RBFOX1: variants seen among roughly 807,000 people sequenced by gnomAD.
The protein encoded by RBFOX1 is RNA binding fox-1 homolog 1.
A neutral mutation model predicts 57.7 loss-of-function variants in RBFOX1; 8 were observed. The ratio of observed to expected loss-of-function variants is 0.14; its 90% CI spans 0.08 to 0.25. RBFOX1 has a LOEUF of 0.25. Ranked by LOEUF, RBFOX1 falls within the 10% of genes least tolerant of loss-of-function variation. The probability of loss-of-function intolerance (pLI) is 1.00; values close to 1 mark genes in which losing one functional copy is unlikely to be tolerated. For missense variants in RBFOX1, 611 were observed against 548.5 expected (o/e 1.11, Z -1.14); for synonymous variants, 326 against 222.4 (o/e 1.47, Z -4.15).
intron 4 of RBFOX1, among the ~76,000 whole-genome samples, chr16:7,391,631 A>C (rs149548018): frequency 6.6e-6 from 1 of 152,194 alleles, no homozygotes; most frequent in Non-Finnish European, 1.5e-5. Flanking sequence ...TCATCATTTC[A>C]GTTTTACAAC....
At position 6,582,591 on chromosome 16, in the gene RBFOX1, T is replaced by G. The variant is rs80279770; in HGVS notation, c.-63-72012T>G. Among the ~76,000 whole-genome samples, 1,254 of 152,170 alleles carry G rather than the reference T, an allele frequency of 8.2e-3. 14 individuals carry two copies. Among genetic ancestry groups the G allele is most frequent in the African/African-American group, 0.029 (1,193 of 41,550 alleles). On this transcript the variant is annotated intron_variant, in intron 2 of 15. Transcript: ENST00000550418. ...TCCTCAATGAAAGGTTAAATTCATT[T>G]AAAATACTTAAATGATGACATCGTA...
At chr16:5,790,723 T>C (rs1446406605) in intron 3 of RBFOX1, among the ~76,000 whole-genome samples, 1 of 152,008 alleles carries the variant, frequency 6.6e-6, no homozygotes, top group Non-Finnish European at 1.5e-5. Flanking sequence ...TGAGAGTGAG[T>C]GTGGAATGCC....
At chr16:7,220,844 C>A (rs910319186) in intron 4 of RBFOX1, among the ~76,000 whole-genome samples, 3 of 152,030 alleles carry the variant, frequency 2.0e-5, no homozygotes, top group Non-Finnish European at 4.4e-5. Flanking sequence ...TCTCTATCCA[C>A]CCTTAACATC....
intron 2 of RBFOX1, among the ~76,000 whole-genome samples, chr16:6,382,542 G>T (rs1310781576): frequency 6.6e-6 from 1 of 152,190 alleles, no homozygotes; most frequent in Non-Finnish European, 1.5e-5. Context: ...ATGAGGAGAA[G>T]CCTAGCTTCA....
intron 14 of RBFOX1, among the ~76,000 whole-genome samples, chr16:7,698,488 G>C (rs890509712): frequency 2.0e-5 from 3 of 152,060 alleles, no homozygotes; most frequent in African/African-American, 7.2e-5. Flanking sequence ...GGTACAAGGA[G>C]GTGTCACCAG....
intron 1 of RBFOX1, among the ~76,000 whole-genome samples, chr16:6,266,393 A>G (rs1283699502): frequency 2.6e-5 from 4 of 152,148 alleles, no homozygotes; most frequent in Admixed American, 6.5e-5. Context: ...CTCTAGCAGA[A>G]TCTCAGAATC....
At chr16:7,131,388 G>C (rs1217356963) in intron 4 of RBFOX1, among the ~76,000 whole-genome samples, 4 of 136,182 alleles carry the variant, frequency 2.9e-5, no homozygotes, top group Admixed American at 2.3e-4. Flanking sequence ...AAGAATCATA[G>C]GTTCTGCTTA....
At chr16:5,674,575 G>A (rs2050111067) in intron 3 of RBFOX1, among the ~76,000 whole-genome samples, 1 of 152,200 alleles carries the variant, frequency 6.6e-6, no homozygotes. Context: ...CCCAGGTTCT[G>A]TTTGTTTAGA....
intron 3 of RBFOX1, among the ~76,000 whole-genome samples, chr16:6,693,952 C>T (rs117593883): frequency 6.6e-6 from 1 of 152,344 alleles, no homozygotes; most frequent in East Asian, 1.9e-4. Context: ...ACTATTATTT[C>T]TCCTATTTTA....
chr16:7,417,823 C>G (rs1203557009), intron 4 of RBFOX1, among the ~76,000 whole-genome samples: 1 of 152,180 alleles, frequency 6.6e-6, no homozygotes, highest in Non-Finnish European at 1.5e-5. Context: ...AATTAGTCCT[C>G]ACACAGAGCT....
intron 3 of RBFOX1, among the ~76,000 whole-genome samples, chr16:5,733,267 G>A (rs1402962410): frequency 2.0e-5 from 3 of 152,110 alleles, no homozygotes; most frequent in South Asian, 4.1e-4. Flanking sequence ...ATATACAAAC[G>A]CTTCTGAGCA....
chr16:7,693,965 G>C (rs955497069), intron 14 of RBFOX1, among the ~76,000 whole-genome samples: 1 of 152,154 alleles, frequency 6.6e-6, no homozygotes, highest in African/African-American at 2.4e-5. Context: ...TTGAAACCAG[G>C]ACATTGGCAA....
At chr16:7,121,675 T>A (rs916278819) in intron 4 of RBFOX1, among the ~76,000 whole-genome samples, 14 of 152,036 alleles carry the variant, frequency 9.2e-5, no homozygotes, top group African/African-American at 2.9e-4. Flanking sequence ...CTAGCAGGTA[T>A]TTTTGTAGCT....
chr16:6,200,788 A>T (rs548811241), intron 1 of RBFOX1, among the ~76,000 whole-genome samples: 2 of 152,246 alleles, frequency 1.3e-5, no homozygotes, highest in African/African-American at 4.8e-5. Context: ...CAGATGGTAA[A>T]TGGTAACACC....
intron 4 of RBFOX1, among the ~76,000 whole-genome samples, chr16:7,436,988 G>A (rs2098726916): frequency 6.6e-6 from 1 of 152,186 alleles, no homozygotes; most frequent in Non-Finnish European, 1.5e-5. Flanking sequence ...AGCTGAGGTA[G>A]GAGAATCTCT....
chr16:6,263,093 G>A (rs530438852), intron 1 of RBFOX1, among the ~76,000 whole-genome samples: 2 of 152,156 alleles, frequency 1.3e-5, no homozygotes, highest in Non-Finnish European at 2.9e-5. Context: ...GAAAAGTTTG[G>A]TGTGTTTAGG....
intron 3 of RBFOX1, chr16:5,611,102 T>G (rs974605876): frequency 8.5e-5 from 13 of 152,124 alleles, no homozygotes; most frequent in African/African-American, 3.1e-4. Flanking sequence ...GTGGCGTGCT[T>G]TCTCTCTGAC....
chr16:5,380,752 A>G (rs1234572557), intron 1 of RBFOX1, among the ~76,000 whole-genome samples: 1 of 152,200 alleles, frequency 6.6e-6, no homozygotes, highest in Non-Finnish European at 1.5e-5. Flanking sequence ...TGAGATCCAA[A>G]CTCAGGAGTC....
chr16:5,340,316 C>G (rs567994930), intron 1 of RBFOX1, among the ~76,000 whole-genome samples: 1 of 152,116 alleles, frequency 6.6e-6, no homozygotes, highest in Admixed American at 6.5e-5. Flanking sequence ...GTTTTCAGAG[C>G]TATTTCCTCA....
Sources: allele counts gnomAD v4.1 joint callset (sites outside exome capture counted in the v4.1 genomes callset), GRCh38; gene constraint gnomAD v4.1.1; transcripts MANE v1.5; gene names NCBI Gene and HGNC (gene_info 2026-07-23, HGNC 2026-07-21).